DMD: variants seen among roughly 807,000 people sequenced by gnomAD.
DMD encodes dystrophin.
Under a neutral mutation model 330.1 loss-of-function variants are expected in DMD, and 63 were observed. The observed-to-expected ratio is 0.19, with a 90% CI of 0.16 to 0.24. DMD has a LOEUF of 0.24. Ranked by LOEUF, DMD falls within the 10% of genes least tolerant of loss-of-function variation. DMD has a pLI of 1.00. For synonymous variants in DMD, 1,223 were observed against 959.8 expected (o/e 1.27, Z -5.07); for missense variants, 3,344 against 2,684.1 (o/e 1.25, Z -5.43).
chrX:31,530,563 C>A (rs961530694), intron 55 of DMD, among the ~76,000 whole-genome samples: 3 of 107,759 alleles, frequency 2.8e-5, no homozygotes, highest in Non-Finnish European at 5.7e-5. Flanking sequence ...CATCAAGTAC[C>A]AGAGAACATC....
At chrX:32,814,122 C>A (rs1202840204) in intron 6 of DMD, among the ~76,000 whole-genome samples, 1 of 111,548 alleles carries the variant, frequency 9.0e-6, no homozygotes, top group Non-Finnish European at 1.9e-5. Flanking sequence ...TTTCTGTTTT[C>A]CCTTTGCTCC....
chrX:32,252,875 TA>T (rs1213943860), intron 43 of DMD, among the ~76,000 whole-genome samples: 1 of 73,788 alleles, frequency 1.4e-5, no homozygotes, highest in South Asian at 6.4e-4. Flanking sequence ...TATAAATATA[TA>T]AAAATATATA....
Position 32,378,526 on chromosome X carries a change from G to A in DMD, c.4845+1984C>T, listed in dbSNP as rs201409649. ...ACTAAAGGTCAAAAAATCACTTCAT[G>A]AGTAATTGACATTTTTATGTATTTG... On this transcript the variant is annotated intron_variant, in intron 34 of 78. Transcript: ENST00000357033. 2.8e-4 allele frequency among the ~76,000 whole-genome samples: 31 copies of A among 110,311 alleles called. No homozygotes were observed. In the East Asian group the frequency reaches 8.5e-3, roughly 30 times the overall value.
chrX:33,211,929 T>A (rs1034891829), upstream of DMD, among the ~76,000 whole-genome samples: 1 of 112,336 alleles, frequency 8.9e-6, no homozygotes, highest in African/African-American at 3.2e-5. Flanking sequence ...AAAATTTCAC[T>A]CTACCAAATA....
At chrX:32,927,101 G>A (rs1393878173) in intron 2 of DMD, among the ~76,000 whole-genome samples, 2 of 110,504 alleles carry the variant, frequency 1.8e-5, no homozygotes, top group African/African-American at 3.3e-5. Context: ...AGTACCCTTC[G>A]CTACATTATT....
At chrX:32,705,433 T>G (rs1046906529) in intron 7 of DMD, among the ~76,000 whole-genome samples, 1 of 112,208 alleles carries the variant, frequency 8.9e-6, no homozygotes, top group Admixed American at 9.5e-5. Context: ...AAAACAATTT[T>G]ATCTTTTGCA....
intron 55 of DMD, among the ~76,000 whole-genome samples, chrX:31,614,897 A>G (rs1405020632): frequency 2.7e-5 from 3 of 112,091 alleles, no homozygotes; most frequent in Admixed American, 9.5e-5. Context: ...TTTGACTAAT[A>G]CCTGGAATGT....
intron 2 of DMD, among the ~76,000 whole-genome samples, chrX:32,872,971 A>T (rs1343120146): frequency 4.5e-5 from 5 of 111,917 alleles, no homozygotes; most frequent in Non-Finnish European, 9.4e-5. Context: ...TATTTAAACT[A>T]ATCTTAGTGG....
chrX:33,000,760 A>C (rs1192534380), intron 2 of DMD, among the ~76,000 whole-genome samples: 3 of 112,206 alleles, frequency 2.7e-5, no homozygotes, highest in African/African-American at 9.7e-5. Flanking sequence ...TTTGTTTTAC[A>C]TATAGTTAAA....
intron 2 of DMD, among the ~76,000 whole-genome samples, chrX:32,964,747 T>C (rs1017948601): frequency 2.7e-5 from 3 of 111,801 alleles, no homozygotes; most frequent in African/African-American, 9.8e-5. Context: ...GTTCTCTTTA[T>C]AGAACTGCTC....
At chrX:31,198,315 C>T (rs1402420632) in intron 67 of DMD, among the ~76,000 whole-genome samples, 2 of 111,529 alleles carry the variant, frequency 1.8e-5, no homozygotes, top group Non-Finnish European at 1.9e-5. Context: ...AATTCCTGGG[C>T]GCAAGTGATC....
In DMD at chrX:32,807,122, T is replaced by TAAAAAAAA. The variant is rs999286386; in HGVS notation, c.649+2363_649+2370dup. Among the ~76,000 whole-genome samples the TAAAAAAAA allele has an allele frequency of 8.7e-4, 18 of 20,741 alleles. 1 individual carries two copies. The highest frequency in any genetic ancestry group is 2.9e-3 in the African/African-American group (13 of 4,536). The allele number at this position is 20,741 out of a possible 115,157, so 18.0% of individuals were successfully genotyped here. A position where few individuals can be genotyped will look rare whatever the true frequency, so the allele number is the denominator to read the frequency against. ...CAGAACTGAAGGAGACGGAAACATT[T>TAAAAAAAA]AAAAAAAAAAAAAAAAAAAAAAAAA... On this transcript the variant is annotated intron_variant, in intron 7 of 78. Coordinates refer to ENST00000357033, the MANE Select transcript of DMD (RefSeq NM_004006.3).
chrX:33,174,012 A>G (rs1399073331), intron 1 of DMD, among the ~76,000 whole-genome samples: 1 of 98,698 alleles, frequency 1.0e-5, no homozygotes, highest in Non-Finnish European at 2.0e-5. Flanking sequence ...AAATTATTGT[A>G]TCTATATAAG....
In DMD at chrX:32,008,840, A is replaced by G. The variant is rs184035120; in HGVS notation, c.6439-40326T>C. Among the ~76,000 whole-genome samples the G allele has an allele frequency of 1.1e-3, 121 of 111,131 alleles. 2 individuals are homozygous for G. In the East Asian group the frequency reaches 0.029, roughly 27 times the overall value. The stretch of plus-strand genomic sequence containing the variant: ...GGCAGGAGAACTTCTGGCTTGAAAC[A>G]TGAGCATGATGGAACCTGAGGGTCC... On this transcript the variant is annotated intron_variant, in intron 44 of 78. Transcript: ENST00000357033.
chrX:31,317,349 TAAG>T (rs1369762618), intron 62 of DMD, among the ~76,000 whole-genome samples: 1 of 111,175 alleles, frequency 9.0e-6, no homozygotes, highest in African/African-American at 3.3e-5. Flanking sequence ...AAAATATACA[TAAG>T]AAGGATCTTA....
At chrX:32,894,256 G>A (rs1603459378) in intron 2 of DMD, among the ~76,000 whole-genome samples, 4 of 111,828 alleles carry the variant, frequency 3.6e-5, no homozygotes, top group South Asian at 3.7e-4. Flanking sequence ...CCTCAATAGC[G>A]AAGGCATCAG....
At position 32,078,109 on chromosome X, in the gene DMD, T is replaced by A. The variant is rs141317058; in HGVS notation, c.6439-109595A>T. Among the ~76,000 whole-genome samples, 454 of 111,795 alleles carry A rather than the reference T, an allele frequency of 4.1e-3. 1 individual carries two copies. Among genetic ancestry groups the A allele is most frequent in the South Asian group, 0.022 (59 of 2,692 alleles). ...TTTATATTCAGTTTCCTAGGGTCTC[T>A]AATAAGCATCCCCAAACTAGCATGT... On this transcript the variant is annotated intron_variant, in intron 44 of 78. Coordinates refer to ENST00000357033, the MANE Select transcript of DMD (RefSeq NM_004006.3).
chrX:32,172,778 T>C (rs1869439551), intron 44 of DMD, among the ~76,000 whole-genome samples: 1 of 112,060 alleles, frequency 8.9e-6, no homozygotes. Context: ...CTTGCTTATA[T>C]AAAGAGGACA....
chrX:33,297,647 C>A (rs139091056), intron 1 of DMD, among the ~76,000 whole-genome samples: 134 of 110,997 alleles, frequency 1.2e-3, no homozygotes, highest in Non-Finnish European at 4.0e-4. Flanking sequence ...AAATATTATT[C>A]AGCCATAAAA....
Sources: allele counts gnomAD v4.1 joint callset (sites outside exome capture counted in the v4.1 genomes callset), GRCh38; gene constraint gnomAD v4.1.1; transcripts MANE v1.5; gene names NCBI Gene and HGNC (gene_info 2026-07-23, HGNC 2026-07-21).